The following CDH18 variants were observed in gnomAD, a reference collection of about 807,000 sequenced individuals.
The protein encoded by CDH18 is cadherin 18, also known as cadherin-18.
Under a neutral mutation model 67.9 loss-of-function variants are expected in CDH18, and 31 were observed. The observed-to-expected ratio is 0.46, with a 90% CI of 0.34 to 0.62. The LOEUF (loss-of-function observed/expected upper bound fraction) is 0.62, where lower values mean the gene tolerates loss of function less well. CDH18 is among the 20% of genes least tolerant of loss of function. The pLI is 0.01. For synonymous variants in CDH18, 362 were observed against 347.2 expected (o/e 1.04, Z -0.48); for missense variants, 890 against 975.5 (o/e 0.91, Z 1.17).
chr5:19,739,106 T>C (rs1768751034), intron 4 of CDH18, among the ~76,000 whole-genome samples: 1 of 152,194 alleles, frequency 6.6e-6, no homozygotes, highest in Non-Finnish European at 1.5e-5. Flanking sequence ...GGAACAATTA[T>C]GTTCCAAAAA....
intron 1 of CDH18, among the ~76,000 whole-genome samples, chr5:20,457,886 A>C (rs537640739): frequency 6.6e-6 from 1 of 152,334 alleles, no homozygotes; most frequent in African/African-American, 2.4e-5. Flanking sequence ...GCATAAAAAC[A>C]GGAAGCAATG....
At chr5:20,391,542 ATTCCTATGTTCTAT>A (rs1744861223) in intron 1 of CDH18, among the ~76,000 whole-genome samples, 1 of 152,058 alleles carries the variant, frequency 6.6e-6, no homozygotes, top group East Asian at 1.9e-4. Context: ...TTAATATCTT[ATTCCTATGTTCTAT>A]TTACTAAGTA....
At chr5:20,195,977 A>C (rs1043300959) in intron 2 of CDH18, among the ~76,000 whole-genome samples, 2 of 152,108 alleles carry the variant, frequency 1.3e-5, no homozygotes, top group African/African-American at 4.8e-5. Context: ...GGAGGAGTTA[A>C]AACCTTCTAC....
At chr5:19,782,123 T>G (rs1210365053) in intron 3 of CDH18, among the ~76,000 whole-genome samples, 1 of 152,122 alleles carries the variant, frequency 6.6e-6, no homozygotes, top group African/African-American at 2.4e-5. Flanking sequence ...TGCCAGAGAC[T>G]GGGTGATTTA....
chr5:19,848,049 A>T (rs563400865), intron 2 of CDH18: 78 of 151,958 alleles, frequency 5.1e-4, no homozygotes, highest in African/African-American at 1.6e-3. Context: ...TATTTGACAT[A>T]CTCTTTACTC....
Position 19,543,927 on chromosome 5 carries a change from C to G in CDH18, c.1332G>C (p.Lys444Asn), listed in dbSNP as rs1305168766. 1.9e-6 allele frequency: 3 copies of G among 1,595,956 alleles called. No homozygotes were observed. The highest frequency in any genetic ancestry group is 1.7e-6 in the Non-Finnish European group (2 of 1,167,318). Reference sequence around the variant, plus strand: ...ATGGAGTTTCTTCTCTGTCGAGAACCTTTGTAGTCCTAATGGTCCCAGTAT... The same window carrying G: ...ATGGAGTTTCTTCTCTGTCGAGAACGTTTGTAGTCCTAATGGTCCCAGTAT... ...DANTGTIRTT[K>N]VLDREETPWY... The change falls in exon 9 of 13, where the codon AAG (lysine) becomes AAC (asparagine). Residue 444 changes from lysine (K) to asparagine (N), a missense_variant. By Grantham distance (94) the Lys-to-Asn change is moderately conservative (BLOSUM62 0). Transcript: ENST00000382275.
At chr5:19,992,791 C>T (rs1279968995), upstream of CDH18, among the ~76,000 whole-genome samples, 9 of 151,972 alleles carry the variant, frequency 5.9e-5, no homozygotes, top group East Asian at 1.9e-4. Flanking sequence ...TCATCATCAT[C>T]GTAGCCCTCA....
chr5:19,589,210 C>T (rs1194529780), intron 7 of CDH18, among the ~76,000 whole-genome samples: 1 of 152,028 alleles, frequency 6.6e-6, no homozygotes, highest in East Asian at 1.9e-4. Context: ...TAGCCGAATC[C>T]AATCAATGTT....
chr5:20,307,359 T>A (rs1736561906), intron 1 of CDH18, among the ~76,000 whole-genome samples: 2 of 152,132 alleles, frequency 1.3e-5, no homozygotes. Context: ...GGGAGACATG[T>A]TAGTAGCCTA....
chr5:20,372,744 G>C (rs950762488), intron 1 of CDH18, among the ~76,000 whole-genome samples: 1 of 152,114 alleles, frequency 6.6e-6, no homozygotes, highest in Non-Finnish European at 1.5e-5. Context: ...ATATGACTGA[G>C]AAATTGTACA....
At chr5:20,433,338 C>A (rs908846418) in intron 1 of CDH18, among the ~76,000 whole-genome samples, 1 of 151,794 alleles carries the variant, frequency 6.6e-6, no homozygotes, top group African/African-American at 2.4e-5. Flanking sequence ...ATATATCCAA[C>A]TACTGAATTT....
intron 1 of CDH18, among the ~76,000 whole-genome samples, chr5:20,455,918 C>T (rs1447768308): frequency 6.6e-6 from 1 of 151,932 alleles, no homozygotes; most frequent in Non-Finnish European, 1.5e-5. Context: ...TGTTATTTAC[C>T]CTTTAAAAGA....
chr5:19,566,552 G>C (rs1740432446), intron 8 of CDH18, among the ~76,000 whole-genome samples: 1 of 152,164 alleles, frequency 6.6e-6, no homozygotes, highest in African/African-American at 2.4e-5. Context: ...GAAAGAATGA[G>C]AGCCAAGTGA....
At chr5:19,658,024 C>G (rs761414899) in intron 5 of CDH18, among the ~76,000 whole-genome samples, 8 of 152,066 alleles carry the variant, frequency 5.3e-5, no homozygotes, top group Non-Finnish European at 1.0e-4. Flanking sequence ...AGAATTTAAT[C>G]TCTCTGATCA....
At chr5:19,520,106 T>C (rs1465887220) in intron 10 of CDH18, among the ~76,000 whole-genome samples, 1 of 152,168 alleles carries the variant, frequency 6.6e-6, no homozygotes, top group African/African-American at 2.4e-5. Context: ...CAACCAGCCT[T>C]CCAAATTGCC....
intron 5 of CDH18, among the ~76,000 whole-genome samples, chr5:19,627,358 C>T (rs894069847): frequency 2.4e-4 from 37 of 152,130 alleles, no homozygotes; most frequent in African/African-American, 7.7e-4. Context: ...TACACATTTA[C>T]GTAAGTAAAA....
intron 2 of CDH18, among the ~76,000 whole-genome samples, chr5:20,113,432 C>T (rs138999890): frequency 0.021 from 3,175 of 152,116 alleles, 44 homozygotes; most frequent in Middle Eastern, 0.044. Context: ...TTTGTCTCCC[C>T]GCCCCACAAC....
chr5:19,976,933 T>C (rs1453132780), intron 2 of CDH18, among the ~76,000 whole-genome samples: 1 of 152,148 alleles, frequency 6.6e-6, no homozygotes, highest in Non-Finnish European at 1.5e-5. Flanking sequence ...TAAATAACAC[T>C]TGATTTTTAA....
chr5:19,557,158 C>A (rs1420730089), intron 8 of CDH18, among the ~76,000 whole-genome samples: 1 of 152,052 alleles, frequency 6.6e-6, no homozygotes, highest in Non-Finnish European at 1.5e-5. Flanking sequence ...GAAACAAATT[C>A]TCAAAATACA....
Sources: allele counts gnomAD v4.1 joint callset (sites outside exome capture counted in the v4.1 genomes callset), GRCh38; gene constraint gnomAD v4.1.1; transcripts MANE v1.5; gene names NCBI Gene and HGNC (gene_info 2026-07-23, HGNC 2026-07-21).